SLC9A7: variants seen among roughly 807,000 people sequenced by gnomAD.
SLC9A7 encodes the protein sodium/hydrogen exchanger 7.
Under a neutral mutation model 52.6 loss-of-function variants are expected in SLC9A7, and 19 were observed. That is an observed-to-expected ratio of 0.36 (90% confidence interval 0.25 to 0.53). The LOEUF is 0.53. SLC9A7 is among the 20% of genes least tolerant of loss of function. SLC9A7 has a pLI of 0.91. For synonymous variants in SLC9A7, 226 were observed against 252.1 expected, an observed-to-expected ratio of 0.90 and a Z score of 0.98; for missense variants, 455 against 597.9, an observed-to-expected ratio of 0.76 and a Z score of 2.49.
chrX:46,656,872 C>T (rs1333739856), intron 7 of SLC9A7, among the ~76,000 whole-genome samples: 29 of 93,238 alleles, frequency 3.1e-4, no homozygotes, highest in African/African-American at 6.6e-4. Flanking sequence ...ATACAGAGAA[C>T]GCCACAAAGA....
At chrX:46,650,865 T>C (rs1943568624) in intron 10 of SLC9A7, among the ~76,000 whole-genome samples, 1 of 111,625 alleles carries the variant, frequency 9.0e-6, no homozygotes, top group African/African-American at 3.3e-5. Flanking sequence ...CATGCAGTCC[T>C]TTAAATCAAA....
chrX:46,707,744 T>A (rs998636275), intron 1 of SLC9A7, among the ~76,000 whole-genome samples: 1 of 112,011 alleles, frequency 8.9e-6, no homozygotes, highest in African/African-American at 3.2e-5. Context: ...TGCCTTTATT[T>A]ATTTGTTTGT....
intron 14 of SLC9A7, among the ~76,000 whole-genome samples, chrX:46,625,645 G>A (rs1222072342): frequency 9.3e-6 from 1 of 107,062 alleles, no homozygotes; most frequent in Non-Finnish European, 1.9e-5. Flanking sequence ...GGGAGGTGGA[G>A]GTTGCAGTGA....
rs773259370 is a variant in SLC9A7, at chrX:46,608,966, C to T, written c.1930-1763G>A. On this transcript the variant is annotated intron_variant, in intron 16 of 16. Transcript: ENST00000616978. ...CAGCCGGTAGCTTATGTCTCCCATCCGAATTTCCAACTCCTGGGGAGTTCA... is the reference window on the plus strand; with the variant it reads ...CAGCCGGTAGCTTATGTCTCCCATCTGAATTTCCAACTCCTGGGGAGTTCA... 9.9e-5 allele frequency among the ~76,000 whole-genome samples: 11 copies of T among 111,241 alleles called. No homozygotes were observed. In the South Asian group the frequency reaches 1.9e-3, roughly 20 times the overall value.
chrX:46,660,408 G>C (rs1360981077), intron 7 of SLC9A7, among the ~76,000 whole-genome samples: 2 of 110,246 alleles, frequency 1.8e-5, no homozygotes, highest in African/African-American at 6.6e-5. Context: ...CACAGCAAAA[G>C]AAACTACCAT....
intron 14 of SLC9A7, among the ~76,000 whole-genome samples, chrX:46,630,997 T>C (rs185853459): frequency 2.3e-3 from 254 of 112,510 alleles, no homozygotes; most frequent in Non-Finnish European, 3.2e-3. Context: ...GAAGTCCTTG[T>C]GGTTGGGTCC....
chrX:46,650,886 G>A (rs1194809333), intron 10 of SLC9A7, among the ~76,000 whole-genome samples: 1 of 111,432 alleles, frequency 9.0e-6, no homozygotes, highest in East Asian at 2.8e-4. Context: ...TACATTTAGT[G>A]TTATGAAATG....
At position 46,606,881 on chromosome X, in the gene SLC9A7, A is replaced by G. The variant is rs779164637; in HGVS notation, c.*71T>C. ...ATCTAGTCACTGCCCCACCTCCAAC[A>G]ACACTAGGGCTTGCAGCTGTCCTCA... On this transcript the variant is annotated 3_prime_UTR_variant, in exon 17 of 17. Coordinates refer to ENST00000616978, the MANE Select transcript of SLC9A7 (RefSeq NM_001257291.2). The G allele has an allele frequency of 1.3e-5, 16 of 1,191,340 alleles. No homozygotes were observed. The South Asian group carries it at 2.8e-4, about 21-fold the overall frequency.
In SLC9A7 at chrX:46,643,278, A is replaced by G; in HGVS notation, c.1574T>C (p.Ile525Thr). 11 of 1,210,428 alleles carry G rather than the reference A, an allele frequency of 9.1e-6. No homozygotes were observed. Among genetic ancestry groups the G allele is most frequent in the Non-Finnish European group, 1.0e-5 (9 of 894,550 alleles). The change falls in exon 12 of 17, where the codon ATT (isoleucine) becomes ACT (threonine). Residue 525 changes from isoleucine (I) to threonine (T), a missense_variant. Physicochemically the swap from Ile to Thr is moderately conservative, Grantham distance 89 (BLOSUM62 -1). Transcript: ENST00000616978. ...CAACATGGGTGTCGTGCCTCCTCCA[A>G]TGATCCAGACAGTGAAGAACACAAT... ...LLIVFFTVWI[I>T]GGGTTPMLSW...
rs2146656790 is a variant in SLC9A7 at position 46,604,459 on chromosome X, G to T, written c.*2493C>A. On this transcript the variant is annotated 3_prime_UTR_variant, in exon 17 of 17. Transcript: ENST00000616978. ...ATTTTTTTTTTTTTTTTGAGGCAGG[G>T]TCTCATTCTGTTGCCCAGACTGGAT... 9.2e-6 allele frequency: 1 copy of T among 108,613 alleles called. No homozygotes were observed. The highest frequency in any genetic ancestry group is 4.1e-4 in the South Asian group (1 of 2,468). 9.0% of individuals were successfully genotyped at this position (108,613 alleles called of 1,213,427 possible). A position where few individuals can be genotyped will look rare whatever the true frequency, so the allele number is the denominator to read the frequency against.
chrX:46,750,058 G>C (rs1438255031), intron 1 of SLC9A7, among the ~76,000 whole-genome samples: 1 of 109,658 alleles, frequency 9.1e-6, no homozygotes, highest in Admixed American at 9.7e-5. Context: ...TCCAGCCTGG[G>C]GGACAGAGCA....
chrX:46,688,554 G>A (rs189625760), intron 1 of SLC9A7, among the ~76,000 whole-genome samples: 1 of 103,961 alleles, frequency 9.6e-6, no homozygotes, highest in Non-Finnish European at 1.9e-5. Context: ...CCAAGATCGT[G>A]CCATTGCACT....
chrX:46,654,485 C>T (rs1943637726), intron 7 of SLC9A7, among the ~76,000 whole-genome samples: 1 of 111,024 alleles, frequency 9.0e-6, no homozygotes, highest in Non-Finnish European at 1.9e-5. Context: ...TTTAAAAATT[C>T]AGAATTCTAG....
chrX:46,744,405 A>G (rs1175101436), intron 1 of SLC9A7, among the ~76,000 whole-genome samples: 3 of 112,564 alleles, frequency 2.7e-5, no homozygotes, highest in African/African-American at 9.7e-5. Flanking sequence ...GGAGTCTGCT[A>G]CACCTCGTTC....
At chrX:46,758,637 G>T in intron 1 of SLC9A7, 68 bp downstream of exon 1, 2 of 734,048 alleles carry the variant, frequency 2.7e-6, no homozygotes, top group Non-Finnish European at 3.8e-6. Flanking sequence ...GGGGAGCACC[G>T]CGCGGCGCCA....
chrX:46,632,836 G>T (rs1032177356), intron 13 of SLC9A7, among the ~76,000 whole-genome samples: 2 of 111,541 alleles, frequency 1.8e-5, no homozygotes, highest in African/African-American at 6.5e-5. Context: ...CTTGCATCAA[G>T]ATAGCCTTGA....
chrX:46,643,734 C>A (rs1439292999), intron 11 of SLC9A7, among the ~76,000 whole-genome samples: 1 of 111,775 alleles, frequency 8.9e-6, no homozygotes, highest in Admixed American at 9.4e-5. Flanking sequence ...ACAACCCAAG[C>A]ACTACACAGT....
intron 1 of SLC9A7, among the ~76,000 whole-genome samples, chrX:46,740,013 A>T (rs1184568371): frequency 8.9e-6 from 1 of 111,869 alleles, no homozygotes; most frequent in Non-Finnish European, 1.9e-5. Context: ...AATGTACAGC[A>T]GTCAACAGAG....
intron 3 of SLC9A7, among the ~76,000 whole-genome samples, chrX:46,677,000 A>G (rs935417928): frequency 1.8e-5 from 2 of 111,758 alleles, no homozygotes; most frequent in Non-Finnish European, 3.8e-5. Context: ...GACACTCTAC[A>G]TGTGAGTACA....
Sources: gnomAD v4.1 joint callset for allele counts (sites outside exome capture counted in the v4.1 genomes callset) on GRCh38, gnomAD v4.1.1 for gene constraint, MANE v1.5 for transcripts, NCBI Gene and HGNC (gene_info 2026-07-23, HGNC 2026-07-21) for gene names.